The following RFNG variants were observed in gnomAD, a reference collection of about 807,000 sequenced individuals.
RFNG encodes RFNG O-fucosylpeptide 3-beta-N-acetylglucosaminyltransferase.
Under a neutral mutation model 29.6 loss-of-function variants are expected in RFNG, and 37 were observed. The ratio of observed to expected loss-of-function variants is 1.25; its 90% CI spans 0.96 to 1.65. The LOEUF (loss-of-function observed/expected upper bound fraction) is 1.65. Ranked by LOEUF, RFNG falls within the 40% of genes most tolerant of loss-of-function variation. The probability of loss-of-function intolerance (pLI) is 0.00; values close to 1 mark genes in which losing one functional copy is unlikely to be tolerated. For synonymous variants in RFNG, 276 were observed against 197.3 expected (o/e 1.40, Z -3.34); for missense variants, 546 against 457.0 (o/e 1.19, Z -1.78).
Position 82,050,652 on chromosome 17 carries a change from C to G in RFNG, c.419+10G>C, listed in dbSNP as rs79722039. Reference sequence around the variant, plus strand: ...CTGAGCTCTCTGCGGGTCGGGTCAGCGCCGCGTACTTGCGCCCGGACTCAA... The same window carrying G: ...CTGAGCTCTCTGCGGGTCGGGTCAGGGCCGCGTACTTGCGCCCGGACTCAA... On this transcript the variant is annotated intron_variant, in intron 3 of 7. Transcript: ENST00000310496. 3.1e-6 allele frequency: 5 copies of G among 1,612,328 alleles called. No homozygotes were observed. The highest frequency in any genetic ancestry group is 1.3e-5 in the African/African-American group (1 of 74,952).
chr17:82,051,386 G>C lies in RFNG; in HGVS notation c.268-44C>G. 1 of 1,432,628 alleles carries C rather than the reference G, an allele frequency of 7.0e-7. No individual in the cohort carries two copies. Among genetic ancestry groups the C allele is most frequent in the Non-Finnish European group, 9.1e-7 (1 of 1,098,812 alleles). 88.7% of individuals were successfully genotyped at this position (1,432,628 alleles called of 1,614,324 possible). A position where few individuals can be genotyped will look rare whatever the true frequency, so the allele number is the denominator to read the frequency against. On this transcript the variant is annotated intron_variant, in intron 1 of 7. Transcript: ENST00000310496. This position sits in a 1 kb window ranked among gnomAD's most constrained non-coding sequence, Gnocchi z 4.1. ...ATGAGGCTTCTGGGGCGCTGCCCAG[G>C]CCGGAGACCGACCCGCCCCGCGCGG...
rs2144192170 is a variant in RFNG, at chr17:82,049,102, A to G, written c.843T>C (p.His281=). Residue 281 remains histidine, a synonymous_variant, in exon 7 of 8, where the codon CAT becomes CAC. Transcript: ENST00000310496. ...CGTTATGTGGGTTCTCAGGACCCCC[A>G]TGGCTCAAGGTAACCTGGGAGGGAA... ...DTLLQQVTLS[H]GGPENPHNVV... is the part of the protein sequence containing the mutation. 1 of 1,613,360 alleles carries G rather than the reference A, an allele frequency of 6.2e-7. No homozygotes were observed. The highest frequency in any genetic ancestry group is 8.5e-7 in the Non-Finnish European group (1 of 1,179,804).
rs1248151294 is a variant in RFNG at position 82,050,454 on chromosome 17, G to A, written c.521C>T (p.Pro174Leu). The change falls in exon 4 of 8, where the codon CCC becomes CTC. Residue 174 changes from proline to leucine, a missense_variant. Physicochemically the swap from Pro to Leu is moderately conservative, Grantham distance 98. Coordinates refer to ENST00000310496, the MANE Select transcript of RFNG (RefSeq NM_002917.2). ...SPSQDVYLGR[P>L]SLDHPIEATE... Reference sequence around the variant, plus strand: ...GGCCTCAATGGGGTGGTCCAGGCTGGGCCGCCCCAGGTAGACGTCCTGGCT... The same window carrying A: ...GGCCTCAATGGGGTGGTCCAGGCTGAGCCGCCCCAGGTAGACGTCCTGGCT... The A allele has an allele frequency of 1.9e-6, 3 of 1,612,392 alleles. No individual in the cohort carries two copies. Among genetic ancestry groups the A allele is most frequent in the Non-Finnish European group, 2.5e-6 (3 of 1,179,796 alleles).
At chr17:82,050,365 A>AGGCGTCTGCTCCGAT (rs763966086) in intron 4 of RFNG, 37 bp downstream of exon 4, 1 of 1,529,284 alleles carries the variant, frequency 6.5e-7, no homozygotes, top group Non-Finnish European at 8.7e-7. Context: ...GTGTCAAGGA[A>AGGCGTCTGCTCCGAT]GGCGTCTGCT....
intron 6 of RFNG, 83 bp from the exon 7 acceptor site, chr17:82,049,199 G>GC (rs770075389): frequency 1.7e-5 from 20 of 1,150,042 alleles, no homozygotes; most frequent in Non-Finnish European, 1.9e-5. Flanking sequence ...CCCTGCTAGA[G>GC]CCCCTTTGCC....
rs894403506 is a variant in RFNG, at chr17:82,049,509, G to A, written c.828+168C>T. The A allele has an allele frequency of 1.6e-5, 13 of 798,436 alleles. No homozygotes were observed. The African/African-American group carries it at 1.7e-4, about 10-fold the overall frequency. 49.5% of individuals were successfully genotyped at this position (798,436 alleles called of 1,614,324 possible). A position where few individuals can be genotyped will look rare whatever the true frequency, so the allele number is the denominator to read the frequency against. On this transcript the variant is annotated intron_variant, in intron 6 of 7. Transcript: ENST00000310496. ...GACACCATACCCCATCTGTACGTGA[G>A]GACCCTGTGTCCAACAGGCCAAGGG...
In RFNG at chr17:82,048,478, G is replaced by A; in HGVS notation, c.*248C>T. ...TTCCCGTGGGATCAACCTTGGGGCT[G>A]GGTCGGGGGGAGGGGCACTGCGGCC... On this transcript the variant is annotated 3_prime_UTR_variant, in exon 8 of 8. Transcript: ENST00000310496. 1 of 544,504 alleles carries A rather than the reference G, an allele frequency of 1.8e-6. No individual in the cohort carries two copies. The highest frequency in any genetic ancestry group is 3.3e-6 in the Non-Finnish European group (1 of 300,314). The allele number at this position is 544,504 out of a possible 1,614,324, so 33.7% of individuals were successfully genotyped here. A position where few individuals can be genotyped will look rare whatever the true frequency, so the allele number is the denominator to read the frequency against.
chr17:82,051,100 C>T lies in RFNG; in HGVS notation c.316+194G>A. 7.4e-7 allele frequency: 1 copy of T among 1,358,310 alleles called. No homozygotes were observed. Among genetic ancestry groups the T allele is most frequent in the Non-Finnish European group, 9.4e-7 (1 of 1,061,070 alleles). The allele number at this position is 1,358,310 out of a possible 1,614,324, so 84.1% of individuals were successfully genotyped here. A position where few individuals can be genotyped will look rare whatever the true frequency, so the allele number is the denominator to read the frequency against. On this transcript the variant is annotated intron_variant, in intron 2 of 7. Coordinates refer to ENST00000310496, the MANE Select transcript of RFNG (RefSeq NM_002917.2). This position sits in a 1 kb window ranked among gnomAD's most constrained non-coding sequence, Gnocchi z 4.1. Reference sequence around the variant, plus strand: ...CCCGGGAAGCGGCTAGTGTGAGAGGCTGGTGGGGAGCAGAGCTTGGCTGGC... The same window carrying T: ...CCCGGGAAGCGGCTAGTGTGAGAGGTTGGTGGGGAGCAGAGCTTGGCTGGC...
Position 82,048,560 on chromosome 17 carries a change from C to T in RFNG, c.*166G>A. 3.1e-6 allele frequency: 2 copies of T among 637,700 alleles called. No individual in the cohort carries two copies. The highest frequency in any genetic ancestry group is 5.6e-6 in the Non-Finnish European group (2 of 358,494). 39.5% of individuals were successfully genotyped at this position (637,700 alleles called of 1,614,324 possible). ...CAAAACACCCATCACCGCAGCCCAC[C>T]AGGGGCTGGGAGAGGGGGGGCTGCA... On this transcript the variant is annotated 3_prime_UTR_variant, in exon 8 of 8. Coordinates refer to ENST00000310496, the MANE Select transcript of RFNG (RefSeq NM_002917.2).
rs1240906984 is a variant in RFNG, at chr17:82,051,592, C to T, written c.175G>A (p.Asp59Asn). 4 of 1,300,212 alleles carry T rather than the reference C, an allele frequency of 3.1e-6. No homozygotes were observed. The highest frequency in any genetic ancestry group is 2.9e-6 in the Non-Finnish European group (3 of 1,022,526). 80.5% of individuals were successfully genotyped at this position (1,300,212 alleles called of 1,614,324 possible). A position where few individuals can be genotyped will look rare whatever the true frequency, so the allele number is the denominator to read the frequency against. Residue 59 changes from aspartate to asparagine, a missense_variant, in exon 1 of 8, where the codon GAC becomes AAC. Coordinates refer to ENST00000310496, the MANE Select transcript of RFNG (RefSeq NM_002917.2). This position sits in a 1 kb window ranked among gnomAD's most constrained non-coding sequence, Gnocchi z 4.1. ...RPAAPSLRPD[D>N]VFIAVKTTRK... ...GTGGTCTTGACGGCGATGAAGACGTCGTCAGGCCGCAGGCTGGGGGCAGCG... is the reference window on the plus strand; with the variant it reads ...GTGGTCTTGACGGCGATGAAGACGTTGTCAGGCCGCAGGCTGGGGGCAGCG...
chr17:82,048,856 G>T (rs769921589), intron 7 of RFNG, 49 bp from the exon 8 acceptor site: 1 of 1,535,386 alleles, frequency 6.5e-7, no homozygotes, highest in Non-Finnish European at 9.0e-7. Flanking sequence ...AGAGAGAAGC[G>T]GGGGCCAGGG....
At chr17:82,049,158 G>A in intron 6 of RFNG, 42 bp from the exon 7 acceptor site, 1 of 1,543,554 alleles carries the variant, frequency 6.5e-7, no homozygotes, top group Non-Finnish European at 8.9e-7. Context: ...GCCTGGTCTG[G>A]TCTCGGGCCA....
At position 82,050,728 on chromosome 17, in the gene RFNG, C is replaced by T. The variant is rs762755184; in HGVS notation, c.353G>A (p.Arg118His). The T allele has an allele frequency of 2.4e-5, 39 of 1,613,040 alleles. No homozygotes were observed. The highest frequency in any genetic ancestry group is 2.4e-5 in the Non-Finnish European group (28 of 1,179,944). Residue 118 changes from arginine to histidine, a missense_variant, in exon 3 of 8, where the codon CGC becomes CAC. Physicochemically the swap from Arg to His is conservative, Grantham distance 29 (BLOSUM62 0). Transcript: ENST00000310496. ...RVINTNCSAVRTRQALCCKMS... is the reference protein window; with the variant it reads ...RVINTNCSAVHTRQALCCKMS... The stretch of plus-strand genomic sequence containing the variant: ...CTTGCAGCAGAGGGCCTGACGAGTG[C>T]GCACCGCCGAGCAGTTGGTGTTGAT...
At position 82,051,380 on chromosome 17, in the gene RFNG, G is replaced by A; in HGVS notation, c.268-38C>T. 2.8e-6 allele frequency: 4 copies of A among 1,441,768 alleles called. No homozygotes were observed. The highest frequency in any genetic ancestry group is 1.6e-5 in the South Asian group (1 of 62,302). The allele number at this position is 1,441,768 out of a possible 1,614,324, so 89.3% of individuals were successfully genotyped here. ...CAATCTATGAGGCTTCTGGGGCGCTGCCCAGGCCGGAGACCGACCCGCCCC... is the reference window on the plus strand; with the variant it reads ...CAATCTATGAGGCTTCTGGGGCGCTACCCAGGCCGGAGACCGACCCGCCCC... On this transcript the variant is annotated intron_variant, in intron 1 of 7. Transcript: ENST00000310496. The surrounding 1 kb of genome is among the most constrained non-coding windows in gnomAD (Gnocchi z 4.1).
At chr17:82,049,303 T>TG in intron 6 of RFNG, 187 bp from the exon 7 acceptor site, 2 of 705,346 alleles carry the variant, frequency 2.8e-6, no homozygotes. Context: ...AGGCAGAGCC[T>TG]GGGGGACAGA....
intron 7 of RFNG, 87 bp downstream of exon 7, chr17:82,048,944 G>A (rs1460946408): frequency 4.1e-6 from 6 of 1,473,222 alleles, no homozygotes; most frequent in South Asian, 3.5e-5. Flanking sequence ...GGCGGAGGGA[G>A]CAGCGGGGGT....
chr17:82,048,526 T>G lies in RFNG; in HGVS notation c.*200A>C. 1 of 590,404 alleles carries G rather than the reference T, an allele frequency of 1.7e-6. No homozygotes were observed. Among genetic ancestry groups the G allele is most frequent in the East Asian group, 2.8e-5 (1 of 35,450 alleles). 36.6% of individuals were successfully genotyped at this position (590,404 alleles called of 1,614,324 possible). Reference sequence around the variant, plus strand: ...GCCCTGGCCATCAGCCTGGCTGTCTTCGTTCTCCCAAAACACCCATCACCG... The same window carrying G: ...GCCCTGGCCATCAGCCTGGCTGTCTGCGTTCTCCCAAAACACCCATCACCG... On this transcript the variant is annotated 3_prime_UTR_variant, in exon 8 of 8. Coordinates refer to ENST00000310496, the MANE Select transcript of RFNG (RefSeq NM_002917.2).
rs773546780 is a variant in RFNG at position 82,051,279 on chromosome 17, GT to G, written c.316+14del. ...GGGCAGATCCCGCGGGCGCCGGGGA[GT>G]GGGGGACACTCACCGCCCTGGAGCT... On this transcript the variant is annotated intron_variant, in intron 2 of 7. Coordinates refer to ENST00000310496, the MANE Select transcript of RFNG (RefSeq NM_002917.2). This position sits in a 1 kb window ranked among gnomAD's most constrained non-coding sequence, Gnocchi z 4.1. The G allele has an allele frequency of 1.1e-4, 157 of 1,369,910 alleles. No individual in the cohort carries two copies. Among genetic ancestry groups the G allele is most frequent in the Non-Finnish European group, 1.4e-4 (150 of 1,059,582 alleles). 84.9% of individuals were successfully genotyped at this position (1,369,910 alleles called of 1,614,324 possible).
chr17:82,048,648 G>A lies in RFNG; in HGVS notation c.*78C>T. The A allele has an allele frequency of 8.7e-7, 1 of 1,154,990 alleles. No individual in the cohort carries two copies. The highest frequency in any genetic ancestry group is 1.3e-6 in the Non-Finnish European group (1 of 775,882). 71.5% of individuals were successfully genotyped at this position (1,154,990 alleles called of 1,614,324 possible). On this transcript the variant is annotated 3_prime_UTR_variant, in exon 8 of 8. Coordinates refer to ENST00000310496, the MANE Select transcript of RFNG (RefSeq NM_002917.2). Reference sequence around the variant, plus strand: ...TGGTGTGGCCGTGGCACCTGAGGGAGCCCACTGAGCCCATAGGGGGCTCTG... The same window carrying A: ...TGGTGTGGCCGTGGCACCTGAGGGAACCCACTGAGCCCATAGGGGGCTCTG...
Sources: gnomAD v4.1 joint callset for allele counts on GRCh38, gnomAD v4.1.1 for gene constraint, Gnocchi (gnomAD v3.1) non-coding constraint, MANE v1.5 for transcripts, NCBI Gene and HGNC (gene_info 2026-07-23, HGNC 2026-07-21) for gene names.